Variants in DHRS4L2 observed in about 807,000 individuals in gnomAD.
DHRS4L2 encodes the protein dehydrogenase/reductase 4 like 2.
A neutral mutation model predicts 23.9 loss-of-function variants in DHRS4L2; 22 were observed. The observed-to-expected ratio is 0.92, with a 90% CI of 0.66 to 1.31. The LOEUF is 1.31. Among genes scored for constraint, DHRS4L2 ranks in the 40% most tolerant of loss-of-function variants. The probability of loss-of-function intolerance (pLI) is 0.00; values close to 1 mark genes in which losing one functional copy is unlikely to be tolerated. For synonymous variants in DHRS4L2, 141 were observed against 123.7 expected (o/e 1.14, Z -0.93); for missense variants, 385 against 303.3 (o/e 1.27, Z -2.00).
chr14:23,984,655 C>T (rs1294573770), upstream of DHRS4L2, among the ~76,000 whole-genome samples: 4 of 150,748 alleles, frequency 2.7e-5, no homozygotes, highest in African/African-American at 9.7e-5. Context: ...ATTAGCTGAG[C>T]GAGGTGTTGT....
intron 3 of DHRS4L2, among the ~76,000 whole-genome samples, 193 bp from the exon 4 acceptor site, chr14:24,000,670 T>G (rs1241770110): frequency 6.6e-6 from 1 of 151,906 alleles, no homozygotes; most frequent in African/African-American, 2.4e-5. Flanking sequence ...TGTATCATTA[T>G]CTAGCTGAGC....
chr14:23,970,666 C>T, intron 1 of DHRS4L2, among the ~76,000 whole-genome samples: 1 of 152,066 alleles, frequency 6.6e-6, no homozygotes, highest in Middle Eastern at 3.2e-3. Context: ...GACTGCCTCC[C>T]CGAGTGGGTC....
rs530645165 is a variant in DHRS4L2 at position 24,001,430 on chromosome 14, A to G, written c.578A>G (p.Asn193Ser). The G allele has an allele frequency of 2.4e-5, 39 of 1,607,252 alleles. No individual in the cohort carries two copies. Among genetic ancestry groups the G allele is most frequent in the Non-Finnish European group, 3.3e-5 (39 of 1,179,322 alleles). The change falls in exon 6 of 8, where the codon AAC becomes AGC. Residue 193 changes from asparagine to serine, a missense_variant. Coordinates refer to ENST00000335125, the MANE Select transcript of DHRS4L2 (RefSeq NM_198083.4). The stretch of plus-strand genomic sequence containing the variant: ...AGTAAAACAGCCTTGCTGGGCCTCA[A>G]CAATACCCTGGCCATAGAGCTGGCC... The part of the protein sequence containing the change: ...NVSKTALLGL[N>S]NTLAIELAPR...
At chr14:23,999,079 T>G (rs1236305370) in intron 3 of DHRS4L2, among the ~76,000 whole-genome samples, 1 of 147,510 alleles carries the variant, frequency 6.8e-6, no homozygotes, top group Non-Finnish European at 1.5e-5. Flanking sequence ...GGGAGAGAGA[T>G]GAGAGAAGGG....
chr14:23,981,261 T>A (rs1043393868), intron 1 of DHRS4L2, among the ~76,000 whole-genome samples: 2 of 151,488 alleles, frequency 1.3e-5, no homozygotes, highest in Non-Finnish European at 2.9e-5. Flanking sequence ...GTGAAGGACC[T>A]CTTCAAGGAG....
At chr14:23,999,998 A>AG (rs1555330073) in intron 3 of DHRS4L2, among the ~76,000 whole-genome samples, 1 of 136,562 alleles carries the variant, frequency 7.3e-6, no homozygotes, top group Non-Finnish European at 1.5e-5. Flanking sequence ...CCCAGCCCTG[A>AG]GTTTTTTTTT....
chr14:23,998,717 T>C (rs1375499209), intron 3 of DHRS4L2, among the ~76,000 whole-genome samples: 2 of 151,644 alleles, frequency 1.3e-5, no homozygotes, highest in Admixed American at 6.6e-5. Flanking sequence ...GGGAATGTTG[T>C]GGCTAGTTTG....
upstream of DHRS4L2, among the ~76,000 whole-genome samples, chr14:23,984,518 C>T (rs540510865): frequency 1.6e-4 from 24 of 151,570 alleles, no homozygotes; most frequent in African/African-American, 4.8e-4. Flanking sequence ...AACACCCGAC[C>T]GGGCGCAGTG....
chr14:23,980,879 CT>C (rs1373765076), intron 1 of DHRS4L2, among the ~76,000 whole-genome samples: 1 of 151,674 alleles, frequency 6.6e-6, no homozygotes, highest in African/African-American at 2.4e-5. Flanking sequence ...GATGCATTCC[CT>C]TTGAAAATCG....
At chr14:23,996,839 T>A (rs929565470) in intron 3 of DHRS4L2, among the ~76,000 whole-genome samples, 6 of 151,894 alleles carry the variant, frequency 4.0e-5, no homozygotes, top group Non-Finnish European at 4.4e-5. Context: ...TTCACTGTGT[T>A]GCTCAGGCTG....
chr14:23,976,621 C>A (rs2033972142), intron 1 of DHRS4L2, among the ~76,000 whole-genome samples: 2 of 151,694 alleles, frequency 1.3e-5, no homozygotes, highest in African/African-American at 4.8e-5. Context: ...CCCAAAGGAT[C>A]ATAAATCATT....
At chr14:23,976,927 G>A (rs1594452988) in intron 1 of DHRS4L2, among the ~76,000 whole-genome samples, 1 of 151,688 alleles carries the variant, frequency 6.6e-6, no homozygotes, top group East Asian at 1.9e-4. Flanking sequence ...AAACAGAGAG[G>A]GGATCATCAC....
intron 1 of DHRS4L2, among the ~76,000 whole-genome samples, chr14:23,970,727 A>G (rs1195325298): frequency 1.3e-5 from 2 of 152,016 alleles, no homozygotes. Context: ...AGGGGCGGAG[A>G]GACACCTCAT....
At chr14:23,993,016 C>G (rs1348541138) in intron 2 of DHRS4L2, among the ~76,000 whole-genome samples, 2 of 147,718 alleles carry the variant, frequency 1.4e-5, no homozygotes, top group African/African-American at 5.0e-5. Flanking sequence ...TCTGTTCAAT[C>G]AAAACCCAGC....
At chr14:23,998,189 A>G (rs1254822266) in intron 3 of DHRS4L2, among the ~76,000 whole-genome samples, 3 of 151,948 alleles carry the variant, frequency 2.0e-5, no homozygotes, top group Non-Finnish European at 4.4e-5. Flanking sequence ...TATTCAGTAA[A>G]CCATGCTATA....
chr14:23,997,675 G>C (rs2034407720), intron 3 of DHRS4L2, among the ~76,000 whole-genome samples: 1 of 147,012 alleles, frequency 6.8e-6, no homozygotes, highest in South Asian at 2.1e-4. Context: ...TTTATCGTGA[G>C]ATTGTAGCAA....
chr14:23,983,374 G>C (rs1425587435), intron 1 of DHRS4L2, among the ~76,000 whole-genome samples: 1 of 151,618 alleles, frequency 6.6e-6, no homozygotes, highest in Non-Finnish European at 1.5e-5. Context: ...TAAAATGTCA[G>C]GAAACAACAG....
chr14:23,977,209 C>A (rs564830462), intron 1 of DHRS4L2, among the ~76,000 whole-genome samples: 2 of 151,992 alleles, frequency 1.3e-5, no homozygotes, highest in Admixed American at 1.3e-4. Context: ...AATCCATTCA[C>A]TGTTTTCTTT....
At position 24,000,990 on chromosome 14, in the gene DHRS4L2, G is replaced by C. The variant is rs61334310; in HGVS notation, c.480-43G>C. 7.3e-5 allele frequency: 117 copies of C among 1,611,176 alleles called. 4 individuals carry two copies. The highest frequency in any genetic ancestry group is 4.2e-4 in the African/African-American group (31 of 73,308). ...GGGGACCCCACACAGGCTGAGGGCAGTGGTCCACACTGGGAAGACGGTCAG... is the reference window on the plus strand; with the variant it reads ...GGGGACCCCACACAGGCTGAGGGCACTGGTCCACACTGGGAAGACGGTCAG... On this transcript the variant is annotated intron_variant, in intron 4 of 7. Coordinates refer to ENST00000335125, the MANE Select transcript of DHRS4L2 (RefSeq NM_198083.4).
Sources: gnomAD v4.1 joint callset for allele counts (sites outside exome capture counted in the v4.1 genomes callset) on GRCh38, gnomAD v4.1.1 for gene constraint, MANE v1.5 for transcripts, NCBI Gene and HGNC (gene_info 2026-07-23, HGNC 2026-07-21) for gene names.